Variants in KCNH1 observed in about 807,000 individuals in gnomAD.
The protein encoded by KCNH1 is potassium voltage-gated channel subfamily H member 1, also known as voltage-gated delayed rectifier potassium channel KCNH1.
In KCNH1, 27 loss-of-function variants were observed where a neutral mutation model predicts 69.2. The observed-to-expected ratio is 0.39, with a 90% CI of 0.29 to 0.54. KCNH1 has a LOEUF of 0.54. Among genes scored for constraint, KCNH1 ranks in the 20% least tolerant of loss-of-function variants. The pLI, the probability that KCNH1 is intolerant of heterozygous loss-of-function variation, is 0.68. For missense variants in KCNH1, 798 were observed against 1,261.6 expected, an observed-to-expected ratio of 0.63 and a Z score of 5.57; for synonymous variants, 456 against 487.7, an observed-to-expected ratio of 0.93 and a Z score of 0.86.
chr1:210,718,108 G>GAAAACA (rs796459065), intron 10 of KCNH1, among the ~76,000 whole-genome samples: 2 of 148,764 alleles, frequency 1.3e-5, no homozygotes, highest in South Asian at 2.1e-4. Flanking sequence ...CTCCATCTCA[G>GAAAACA]AAAACAAAAA....
At chr1:211,004,124 A>T (rs936361163) in intron 6 of KCNH1, among the ~76,000 whole-genome samples, 3 of 152,100 alleles carry the variant, frequency 2.0e-5, no homozygotes, top group Non-Finnish European at 4.4e-5. Flanking sequence ...AATAATAAGC[A>T]ATCATGAATC....
rs145248227 is a variant in KCNH1, at chr1:210,683,309, G to A, written c.2942C>T (p.Ser981Leu). ...FEISRPQSPE[S>L]ERDIFGAS ...GCTGGCTCCAAAAATGTCTCTCTCT[G>A]ATTCTGGGGACTGTGGCCTCGATAT... Residue 981 changes from serine to leucine, a missense_variant, in exon 11 of 11, where the codon TCA (serine) becomes TTA (leucine). This residue lies in a region of KCNH1 where 331 missense variants were observed against 363.2 expected (regional missense o/e 0.91). Transcript: ENST00000271751. The surrounding 1 kb of genome is among the most constrained non-coding windows in gnomAD (Gnocchi z 5.7). 1.9e-6 allele frequency: 3 copies of A among 1,613,886 alleles called. No homozygotes were observed. The highest frequency in any genetic ancestry group is 3.3e-5 in the Admixed American group (2 of 59,990).
chr1:211,035,272 G>A (rs1414341495), intron 5 of KCNH1, among the ~76,000 whole-genome samples: 3 of 107,008 alleles, frequency 2.8e-5, no homozygotes, highest in African/African-American at 3.8e-5. Flanking sequence ...TTTTTGAGAC[G>A]GAGTCTCGCT....
chr1:210,863,754 A>AGGCTGC (rs1397229275), intron 7 of KCNH1, among the ~76,000 whole-genome samples: 1 of 152,168 alleles, frequency 6.6e-6, no homozygotes, highest in Non-Finnish European at 1.5e-5. Flanking sequence ...CCCTCATGAA[A>AGGCTGC]GGCTGCAGCC....
intron 6 of KCNH1, among the ~76,000 whole-genome samples, chr1:210,982,808 T>C (rs965232215): frequency 1.6e-4 from 24 of 152,334 alleles, no homozygotes; most frequent in Admixed American, 3.9e-4. Context: ...CTGGGTCAAA[T>C]GGTATTTCTA....
intron 7 of KCNH1, among the ~76,000 whole-genome samples, chr1:210,882,129 G>T (rs1112600): frequency 0.16 from 23,872 of 152,042 alleles, 2,477 homozygotes; most frequent in Non-Finnish European, 0.24. Context: ...ATGGGTGGGG[G>T]TAAGAGATAC....
intron 7 of KCNH1, among the ~76,000 whole-genome samples, chr1:210,906,247 T>A (rs917846936): frequency 2.0e-5 from 3 of 152,246 alleles, no homozygotes; most frequent in African/African-American, 4.8e-5. Context: ...AGGGCCCAGA[T>A]GACTGTGAAA....
At chr1:211,066,650 A>G (rs1227095121) in intron 5 of KCNH1, among the ~76,000 whole-genome samples, 1 of 152,186 alleles carries the variant, frequency 6.6e-6, no homozygotes, top group Non-Finnish European at 1.5e-5. Flanking sequence ...CAAATCTATG[A>G]GTACATATTA....
chr1:211,029,165 A>T (rs1222647922), intron 5 of KCNH1, among the ~76,000 whole-genome samples: 1 of 118,938 alleles, frequency 8.4e-6, no homozygotes, highest in African/African-American at 3.4e-5. Flanking sequence ...CCCCATCTCT[A>T]CAAAAAAAAA....
At chr1:211,051,633 G>C (rs566996096) in intron 5 of KCNH1, among the ~76,000 whole-genome samples, 30 of 152,310 alleles carry the variant, frequency 2.0e-4, no homozygotes, top group Non-Finnish European at 4.1e-4. Context: ...GAGGTCAAAG[G>C]GGAGTGCAGC....
chr1:210,739,205 C>T (rs1245783292), intron 10 of KCNH1, among the ~76,000 whole-genome samples: 1 of 152,032 alleles, frequency 6.6e-6, no homozygotes, highest in African/African-American at 2.4e-5. Context: ...TGAGTTAACC[C>T]CTCATTTTAC....
At chr1:211,003,078 G>T (rs1183100099) in intron 6 of KCNH1, among the ~76,000 whole-genome samples, 3 of 151,746 alleles carry the variant, frequency 2.0e-5, no homozygotes, top group Non-Finnish European at 4.4e-5. Flanking sequence ...TCATTAAAGG[G>T]TCATGAAAGA....
chr1:210,759,750 A>T (rs2102349029), intron 10 of KCNH1, among the ~76,000 whole-genome samples: 1 of 152,342 alleles, frequency 6.6e-6, no homozygotes, highest in East Asian at 1.9e-4. Flanking sequence ...CAACTTGGAA[A>T]ATATATTTGA....
chr1:210,816,441 T>C (rs1684818135), intron 7 of KCNH1, among the ~76,000 whole-genome samples: 1 of 152,204 alleles, frequency 6.6e-6, no homozygotes, highest in Non-Finnish European at 1.5e-5. Flanking sequence ...GCACCACAGA[T>C]AAAAGCACAG....
chr1:211,030,123 C>T (rs1286141975), intron 5 of KCNH1, among the ~76,000 whole-genome samples: 1 of 152,140 alleles, frequency 6.6e-6, no homozygotes, highest in African/African-American at 2.4e-5. Flanking sequence ...TATCAAAATG[C>T]TGGCAAGAGT....
chr1:210,706,437 CAAAT>C (rs960691346), intron 10 of KCNH1, among the ~76,000 whole-genome samples: 4 of 152,202 alleles, frequency 2.6e-5, no homozygotes, highest in African/African-American at 9.6e-5. Context: ...ATTTGAAAGT[CAAAT>C]AAAACTGACC....
intron 9 of KCNH1, among the ~76,000 whole-genome samples, chr1:210,779,820 A>G (rs567998730): frequency 2.6e-5 from 4 of 152,260 alleles, no homozygotes; most frequent in African/African-American, 9.6e-5. Flanking sequence ...CTTCCCCCCA[A>G]TTATATGGAG....
intron 10 of KCNH1, among the ~76,000 whole-genome samples, chr1:210,771,813 G>A (rs1039694559): frequency 6.6e-6 from 1 of 152,190 alleles, no homozygotes; most frequent in African/African-American, 2.4e-5. Flanking sequence ...AGTGGCAGAA[G>A]CAGGACCCAG....
chr1:210,929,854 C>T (rs1422036497), intron 6 of KCNH1, among the ~76,000 whole-genome samples: 3 of 152,164 alleles, frequency 2.0e-5, no homozygotes, highest in African/African-American at 4.8e-5. Flanking sequence ...TTAATGTACA[C>T]AAATCAGTAG....
Sources: gnomAD v4.1 joint callset for allele counts (sites outside exome capture counted in the v4.1 genomes callset) on GRCh38, gnomAD v4.1.1 for gene constraint, gnomAD v4.1.1 regional missense constraint, Gnocchi (gnomAD v3.1) non-coding constraint, MANE v1.5 for transcripts, NCBI Gene and HGNC (gene_info 2026-07-23, HGNC 2026-07-21) for gene names.